Variants in THRB observed in about 807,000 individuals in gnomAD.
THRB encodes the protein thyroid hormone receptor beta.
In THRB, 12 loss-of-function variants were observed where a neutral mutation model predicts 47.8. That is an observed-to-expected ratio of 0.25 (90% CI 0.16 to 0.41). The LOEUF is 0.41. Among genes scored for constraint, THRB ranks in the 10% least tolerant of loss-of-function variants. The probability of loss-of-function intolerance (pLI) is 1.00; values close to 1 mark genes in which losing one functional copy is unlikely to be tolerated. For missense variants in THRB, 348 were observed against 589.2 expected (o/e 0.59, Z 4.24); for synonymous variants, 218 against 212.2 (o/e 1.03, Z -0.24).
At chr3:24,160,620 A>G (rs6777133) in intron 5 of THRB, among the ~76,000 whole-genome samples, 37,507 of 152,036 alleles carry the variant, frequency 0.25, 4,904 homozygotes, top group Admixed American at 0.34. Flanking sequence ...AGCATTCCCA[A>G]TGCTCTGGAA....
At chr3:24,190,414 G>A in intron 4 of THRB, 80 bp from the exon 5 acceptor site, 1 of 1,563,206 alleles carries the variant, frequency 6.4e-7, no homozygotes, top group Non-Finnish European at 8.8e-7. Flanking sequence ...TGGAAGGCAA[G>A]TTGTTTCTCA....
chr3:24,132,785 G>T (rs1160148887), intron 9 of THRB, among the ~76,000 whole-genome samples: 1 of 152,208 alleles, frequency 6.6e-6, no homozygotes, highest in Non-Finnish European at 1.5e-5. Context: ...TCTATGAGGG[G>T]CATTTAACTT....
chr3:24,207,111 T>C (rs151084931), intron 4 of THRB, among the ~76,000 whole-genome samples: 28,197 of 151,942 alleles, frequency 0.19, 2,823 homozygotes, highest in Non-Finnish European at 0.22. Flanking sequence ...TTCCAATCAA[T>C]AGAAAAAGAG....
At chr3:24,486,371 A>G (rs2125919491) in intron 1 of THRB, 1 of 152,298 alleles carries the variant, frequency 6.6e-6, no homozygotes, top group South Asian at 2.1e-4. Context: ...GAATTTTTAA[A>G]TGCTCTACCA....
intron 1 of THRB, among the ~76,000 whole-genome samples, chr3:24,433,110 A>G (rs2070611582): frequency 6.6e-6 from 1 of 152,114 alleles, no homozygotes; most frequent in Admixed American, 6.6e-5. Context: ...AACTCTGTGG[A>G]ATTTACTTAA....
At chr3:24,168,509 A>ATATATATATATATATATATATATATC (rs2039978896) in intron 5 of THRB, among the ~76,000 whole-genome samples, 1 of 150,124 alleles carries the variant, frequency 6.7e-6, no homozygotes, top group Non-Finnish European at 1.5e-5. Context: ...ATATATATAT[A>ATATATATATATATATATATATATATC]TGCGCCTAGG....
chr3:24,336,875 C>T (rs1036177978), intron 2 of THRB, among the ~76,000 whole-genome samples: 2 of 152,198 alleles, frequency 1.3e-5, no homozygotes, highest in Middle Eastern at 6.8e-3. Flanking sequence ...GCGCCCACCA[C>T]CACGCCTGGC....
chr3:24,410,428 C>T (rs943947003), intron 1 of THRB, among the ~76,000 whole-genome samples: 3 of 151,732 alleles, frequency 2.0e-5, no homozygotes, highest in Admixed American at 6.6e-5. Context: ...AAAATAGATG[C>T]AGAGAGCCGT....
At chr3:24,355,510 G>C (rs2063619256) in intron 1 of THRB, among the ~76,000 whole-genome samples, 1 of 152,106 alleles carries the variant, frequency 6.6e-6, no homozygotes, top group African/African-American at 2.4e-5. Flanking sequence ...AATTTCCTGG[G>C]TTTGATAACC....
chr3:24,360,890 G>C (rs1289412716), intron 1 of THRB, among the ~76,000 whole-genome samples: 1 of 152,082 alleles, frequency 6.6e-6, no homozygotes, highest in Non-Finnish European at 1.5e-5. Context: ...TGTTGAAAAT[G>C]GTGCTTAATT....
intron 3 of THRB, among the ~76,000 whole-genome samples, chr3:24,285,854 G>T (rs1398222493): frequency 6.6e-6 from 1 of 152,146 alleles, no homozygotes; most frequent in Non-Finnish European, 1.5e-5. Context: ...GTTATGCCTT[G>T]TTATAGGCTA....
chr3:24,359,759 G>A (rs1354599), intron 1 of THRB, among the ~76,000 whole-genome samples: 5,215 of 152,132 alleles, frequency 0.034, 173 homozygotes, highest in African/African-American at 0.081. Context: ...GCCCATGTGC[G>A]TGGGGACAGC....
At chr3:24,206,147 G>A (rs149533062) in intron 4 of THRB, among the ~76,000 whole-genome samples, 13,960 of 152,036 alleles carry the variant, frequency 0.092, 1,974 homozygotes, top group African/African-American at 0.3. Flanking sequence ...TGCACCAAGC[G>A]GACCTAATAG....
At chr3:24,138,976 A>G (rs1379490685) in intron 8 of THRB, among the ~76,000 whole-genome samples, 1 of 152,258 alleles carries the variant, frequency 6.6e-6, no homozygotes. Flanking sequence ...GTCAATAGAC[A>G]AGATTGTTGC....
At chr3:24,465,438 C>G (rs113972778) in intron 1 of THRB, among the ~76,000 whole-genome samples, 1 of 152,118 alleles carries the variant, frequency 6.6e-6, no homozygotes, top group Non-Finnish European at 1.5e-5. Flanking sequence ...AGTCTCCCTC[C>G]GTTGCCTAGA....
chr3:24,238,612 T>C (rs2049160082), intron 3 of THRB, among the ~76,000 whole-genome samples: 1 of 152,170 alleles, frequency 6.6e-6, no homozygotes, highest in African/African-American at 2.4e-5. Context: ...CCCTTGATAG[T>C]ATCATCTGAA....
intron 1 of THRB, among the ~76,000 whole-genome samples, chr3:24,347,569 AG>A (rs1197200994): frequency 1.1e-4 from 17 of 151,180 alleles, no homozygotes; most frequent in Non-Finnish European, 2.4e-4. Context: ...TAATAAAAAA[AG>A]AATAAAGAAT....
At chr3:24,307,448 A>G (rs535171355) in intron 2 of THRB, among the ~76,000 whole-genome samples, 1 of 152,204 alleles carries the variant, frequency 6.6e-6, no homozygotes, top group East Asian at 1.9e-4. Context: ...TCCACCTAAC[A>G]TCATAACCGA....
chr3:24,157,618 C>G (rs888225111), intron 5 of THRB, among the ~76,000 whole-genome samples: 10 of 152,174 alleles, frequency 6.6e-5, no homozygotes, highest in South Asian at 6.2e-4. Context: ...GAGCCTTGAA[C>G]TCCTGGGCCC....
Sources: allele counts gnomAD v4.1 joint callset (sites outside exome capture counted in the v4.1 genomes callset), GRCh38; gene constraint gnomAD v4.1.1; transcripts MANE v1.5; gene names NCBI Gene and HGNC (gene_info 2026-07-23, HGNC 2026-07-21).